Variants in SEMA3D observed in about 807,000 individuals in gnomAD.
SEMA3D encodes the protein semaphorin-3D.
SEMA3D carries 84 observed loss-of-function variants against 100.1 expected under a neutral mutation model. That is an observed-to-expected ratio of 0.84 (90% CI 0.70 to 1.01). SEMA3D has a LOEUF of 1.01. SEMA3D is among the 50% of genes least tolerant of loss of function. The pLI is 0.00. For synonymous variants in SEMA3D, 312 were observed against 320.7 expected (o/e 0.97, Z 0.29); for missense variants, 875 against 934.1 (o/e 0.94, Z 0.82).
At chr7:85,181,019 A>C (rs936365435) in intron 1 of SEMA3D, among the ~76,000 whole-genome samples, 2 of 152,190 alleles carry the variant, frequency 1.3e-5, no homozygotes, top group African/African-American at 4.8e-5. Flanking sequence ...TGAAGATATG[A>C]GTTTGGGAAG....
At chr7:85,106,862 C>G (rs1049410420) in intron 3 of SEMA3D, among the ~76,000 whole-genome samples, 1 of 152,004 alleles carries the variant, frequency 6.6e-6, no homozygotes, top group Non-Finnish European at 1.5e-5. Context: ...TGACAACTCA[C>G]TCACTAAGAG....
In SEMA3D at chr7:85,186,874, C is replaced by A. The variant is rs1184722119; in HGVS notation, c.-369G>T. On this transcript the variant is annotated 5_prime_UTR_variant, in exon 1 of 19. Transcript: ENST00000284136. ...GGAAGCTGCGGCCGCAGGGGCCAGG[C>A]CGGGAGGCAGGGGGCGCTGCTGCCT... is the stretch of plus-strand genomic sequence containing the variant. The A allele has an allele frequency of 6.6e-6, 1 of 152,216 alleles. No homozygotes were observed. Among genetic ancestry groups the A allele is most frequent in the Non-Finnish European group, 1.5e-5 (1 of 68,200 alleles). The allele number at this position is 152,216 out of a possible 1,614,324, so 9.4% of individuals were successfully genotyped here. A position where few individuals can be genotyped will look rare whatever the true frequency, so the allele number is the denominator to read the frequency against.
the SEMA3D span, among the ~76,000 whole-genome samples, chr7:85,245,316 G>A: frequency 6.6e-6 from 1 of 152,170 alleles, no homozygotes; most frequent in African/African-American, 2.4e-5. Flanking sequence ...TCAGTACATA[G>A]ATTGTGAAGT....
chr7:85,035,855 C>G (rs915209966), intron 12 of SEMA3D, among the ~76,000 whole-genome samples: 5 of 151,764 alleles, frequency 3.3e-5, no homozygotes, highest in Non-Finnish European at 7.4e-5. Context: ...AAGTTAGAAA[C>G]CATCCTTGAA....
intron 1 of SEMA3D, among the ~76,000 whole-genome samples, chr7:85,181,030 A>G (rs1303526017): frequency 6.6e-6 from 1 of 152,188 alleles, no homozygotes; most frequent in Non-Finnish European, 1.5e-5. Flanking sequence ...GTTTGGGAAG[A>G]AAGATCACAG....
chr7:85,018,617 A>C (rs1049582454), intron 14 of SEMA3D, among the ~76,000 whole-genome samples: 10 of 151,780 alleles, frequency 6.6e-5, no homozygotes, highest in Admixed American at 4.6e-4. Flanking sequence ...CTTCCATATA[A>C]GTCAAACTAG....
intron 3 of SEMA3D, among the ~76,000 whole-genome samples, chr7:85,102,721 G>C (rs1041971201): frequency 6.6e-6 from 1 of 152,030 alleles, no homozygotes; most frequent in Non-Finnish European, 1.5e-5. Flanking sequence ...TCTGAAACAT[G>C]GTGAATCCCT....
chr7:85,154,988 T>G (rs1253542293), intron 1 of SEMA3D, among the ~76,000 whole-genome samples: 1 of 152,168 alleles, frequency 6.6e-6, no homozygotes, highest in Non-Finnish European at 1.5e-5. Flanking sequence ...TACTGTCATC[T>G]CCACAGTTTT....
chr7:85,184,329 C>T (rs1041821184), intron 1 of SEMA3D, among the ~76,000 whole-genome samples: 1 of 152,138 alleles, frequency 6.6e-6, no homozygotes, highest in Admixed American at 6.5e-5. Context: ...TATTTGGGCA[C>T]ATCAAGCAAC....
Position 85,181,136 on chromosome 7 carries a change from A to C in SEMA3D, c.-173+5542T>G, listed in dbSNP as rs1039490378. Among the ~76,000 whole-genome samples the C allele has an allele frequency of 7.2e-5, 11 of 152,182 alleles. No individual in the cohort carries two copies. The East Asian group carries it at 7.7e-4, about 11-fold the overall frequency. On this transcript the variant is annotated intron_variant, in intron 1 of 18. Coordinates refer to ENST00000284136, the MANE Select transcript of SEMA3D (RefSeq NM_001384900.1). ...GATATTGACCTTGATTACCTGGCTA[A>C]GATCGTGAGATAGGGATCCTCAGGC... is the stretch of plus-strand genomic sequence containing the variant.
chr7:85,038,638 A>G (rs1325462004), intron 11 of SEMA3D, among the ~76,000 whole-genome samples: 1 of 152,170 alleles, frequency 6.6e-6, no homozygotes, highest in African/African-American at 2.4e-5. Context: ...TTCCTGGCAC[A>G]TATCCGTGCC....
chr7:85,099,058 T>C (rs553501314), intron 3 of SEMA3D, among the ~76,000 whole-genome samples: 3 of 152,128 alleles, frequency 2.0e-5, no homozygotes, highest in Non-Finnish European at 4.4e-5. Flanking sequence ...CACAGTTTAT[T>C]TAAATTTTCA....
At chr7:85,037,389 T>G (rs1377936346) in intron 11 of SEMA3D, among the ~76,000 whole-genome samples, 2 of 152,144 alleles carry the variant, frequency 1.3e-5, no homozygotes, top group Non-Finnish European at 2.9e-5. Flanking sequence ...GGAATATGCA[T>G]GAAAGAGTGT....
intron 10 of SEMA3D, chr7:85,041,488 AG>A (rs1790863538): frequency 1.3e-5 from 2 of 152,294 alleles, no homozygotes; most frequent in South Asian, 4.1e-4. Context: ...ACAATAGGAG[AG>A]GTCATCCACG....
intron 4 of SEMA3D, among the ~76,000 whole-genome samples, chr7:85,088,949 C>A (rs944262501): frequency 3.3e-5 from 5 of 152,138 alleles, no homozygotes; most frequent in Admixed American, 1.3e-4. Context: ...TTCCACGAAT[C>A]ATCTCTGTCT....
At chr7:85,033,723 A>G (rs1016146142) in intron 12 of SEMA3D, among the ~76,000 whole-genome samples, 3 of 152,016 alleles carry the variant, frequency 2.0e-5, no homozygotes, top group Admixed American at 2.0e-4. Flanking sequence ...AAAAACAAAC[A>G]AAAAACCCCA....
chr7:85,224,017 A>AT, the SEMA3D span, among the ~76,000 whole-genome samples: 1 of 152,184 alleles, frequency 6.6e-6, no homozygotes, highest in Non-Finnish European at 1.5e-5. Context: ...TTTTTATTAT[A>AT]TGTTGTCACA....
the SEMA3D span, among the ~76,000 whole-genome samples, chr7:85,214,186 C>T: frequency 9.2e-5 from 14 of 152,284 alleles, no homozygotes; most frequent in South Asian, 2.5e-3. Flanking sequence ...TTAGTTGACA[C>T]TTCCCTTCTC....
At chr7:85,213,956 T>C in the SEMA3D span, among the ~76,000 whole-genome samples, 1 of 152,178 alleles carries the variant, frequency 6.6e-6, no homozygotes, top group African/African-American at 2.4e-5. Flanking sequence ...TTTAGCATCA[T>C]TGAAAACATG....
Sources: gnomAD v4.1 joint callset for allele counts (sites outside exome capture counted in the v4.1 genomes callset) on GRCh38, gnomAD v4.1.1 for gene constraint, MANE v1.5 for transcripts, NCBI Gene and HGNC (gene_info 2026-07-23, HGNC 2026-07-21) for gene names.